Variants in SND1 observed in about 807,000 individuals in gnomAD.
The protein encoded by SND1 is staphylococcal nuclease and tudor domain containing 1.
In SND1, 38 loss-of-function variants were observed where a neutral mutation model predicts 121.7. The ratio of observed to expected loss-of-function variants is 0.31; its 90% confidence interval spans 0.24 to 0.41. The LOEUF (loss-of-function observed/expected upper bound fraction) is 0.41. SND1 is among the 10% of genes least tolerant of loss of function. SND1 has a pLI of 1.00. For synonymous variants in SND1, 401 were observed against 447.4 expected (o/e 0.90, Z 1.31); for missense variants, 868 against 1,184.6 (o/e 0.73, Z 3.92).
intron 9 of SND1, among the ~76,000 whole-genome samples, chr7:127,717,180 G>A (rs1009743630): frequency 4.4e-4 from 67 of 151,992 alleles, no homozygotes; most frequent in African/African-American, 1.5e-3. Context: ...AATATTTTAC[G>A]GGAGTATTGT....
At chr7:127,898,062 A>G (rs962043668) in intron 13 of SND1, among the ~76,000 whole-genome samples, 1 of 152,094 alleles carries the variant, frequency 6.6e-6, no homozygotes, top group Admixed American at 6.5e-5. Flanking sequence ...AGAGTTTGCA[A>G]CTGTGTTCCC....
intron 15 of SND1, among the ~76,000 whole-genome samples, chr7:127,981,848 C>T (rs893156531): frequency 2.6e-5 from 4 of 152,192 alleles, no homozygotes; most frequent in African/African-American, 9.7e-5. Context: ...ACCTTTAAGT[C>T]CTGAGAATAA....
chr7:127,794,580 C>T lies in SND1; in HGVS notation c.1153-12904C>T, dbSNP rs138796047. Among the ~76,000 whole-genome samples the T allele has an allele frequency of 3.2e-3, 486 of 152,316 alleles. 2 individuals carry two copies. The highest frequency in any genetic ancestry group is 9.9e-3 in the African/African-American group (411 of 41,568). On this transcript the variant is annotated intron_variant, in intron 10 of 23. Coordinates refer to ENST00000354725, the MANE Select transcript of SND1 (RefSeq NM_014390.4). ...ATATTATCCTCTGAATGGGCTCACC[C>T]GCTCCTTCTGTCTGTTACAGAGAAA...
At chr7:127,865,225 T>G (rs574095315) in intron 12 of SND1, among the ~76,000 whole-genome samples, 104 of 152,340 alleles carry the variant, frequency 6.8e-4, no homozygotes, top group African/African-American at 2.5e-3. Context: ...AAATTATCTA[T>G]AGTTGACATA....
At position 127,663,403 on chromosome 7, in the gene SND1, C is replaced by T. The variant is rs368401510; in HGVS notation, c.78+10952C>T. On this transcript the variant is annotated intron_variant, in intron 1 of 23. Coordinates refer to ENST00000354725, the MANE Select transcript of SND1 (RefSeq NM_014390.4). The stretch of plus-strand genomic sequence containing the variant: ...TTTTTTTTTTTTTGAGATGGAGTCT[C>T]GCTCTGTCGCCAGGCTGGTGTGCAG... 2.8e-3 allele frequency among the ~76,000 whole-genome samples: 424 copies of T among 149,088 alleles called. 1 individual carries two copies. Among genetic ancestry groups the T allele is most frequent in the African/African-American group, 1.0e-2 (404 of 40,488 alleles).
At chr7:128,082,678 T>C (rs1221687610) in intron 18 of SND1, among the ~76,000 whole-genome samples, 1 of 151,842 alleles carries the variant, frequency 6.6e-6, no homozygotes, top group Non-Finnish European at 1.5e-5. Flanking sequence ...TAGGGCTGGG[T>C]CATGTGACAG....
intron 1 of SND1, among the ~76,000 whole-genome samples, chr7:127,666,897 G>A (rs1010280276): frequency 6.6e-6 from 1 of 152,178 alleles, no homozygotes; most frequent in African/African-American, 2.4e-5. Flanking sequence ...TCAGGGACTT[G>A]AGTTTTTATT....
intron 1 of SND1, among the ~76,000 whole-genome samples, chr7:127,675,702 T>C (rs1207052383): frequency 6.6e-6 from 1 of 152,202 alleles, no homozygotes; most frequent in Non-Finnish European, 1.5e-5. Context: ...CTCTTTTTTA[T>C]GTCCTGGAGT....
At chr7:127,858,359 C>A in intron 12 of SND1, 1 of 1,356,114 alleles carries the variant, frequency 7.4e-7, no homozygotes, top group Admixed American at 1.9e-5. Flanking sequence ...CCTCAGTGCC[C>A]TAGCCACTGT....
intron 10 of SND1, among the ~76,000 whole-genome samples, chr7:127,758,275 C>G (rs1797235313): frequency 6.6e-6 from 1 of 152,194 alleles, no homozygotes; most frequent in South Asian, 2.1e-4. Context: ...ACAGAGGTCT[C>G]CTGTGGATAG....
At chr7:127,908,328 G>A (rs1201832550) in intron 14 of SND1, among the ~76,000 whole-genome samples, 2 of 94,130 alleles carry the variant, frequency 2.1e-5, no homozygotes, top group Non-Finnish European at 2.6e-5. Flanking sequence ...ATGTGTGTGT[G>A]TGTGTGTGTG....
intron 2 of SND1, 49 bp downstream of exon 2, chr7:127,686,811 C>T: frequency 1.3e-6 from 2 of 1,574,546 alleles, no homozygotes; most frequent in Non-Finnish European, 1.7e-6. Context: ...AGGTAATAGC[C>T]CACTGTCTTC....
intron 15 of SND1, among the ~76,000 whole-genome samples, chr7:127,952,739 T>C (rs1801490360): frequency 6.6e-6 from 1 of 152,244 alleles, no homozygotes. Context: ...ATACCCAATA[T>C]TTTGAGGCCC....
At chr7:127,901,781 TAA>T (rs1191182485) in intron 13 of SND1, among the ~76,000 whole-genome samples, 1 of 152,208 alleles carries the variant, frequency 6.6e-6, no homozygotes, top group African/African-American at 2.4e-5. Flanking sequence ...CAGAAATTGA[TAA>T]GAGTTTAACA....
At chr7:127,898,293 C>T (rs892445540) in intron 13 of SND1, among the ~76,000 whole-genome samples, 1 of 152,174 alleles carries the variant, frequency 6.6e-6, no homozygotes, top group Non-Finnish European at 1.5e-5. Context: ...CCCACCTCCC[C>T]TTGACTGTAG....
chr7:128,018,070 A>T (rs190107540), intron 16 of SND1, among the ~76,000 whole-genome samples: 1 of 152,188 alleles, frequency 6.6e-6, no homozygotes, highest in African/African-American at 2.4e-5. Flanking sequence ...AACCCTGCCC[A>T]TGCACTCTTC....
intron 12 of SND1, among the ~76,000 whole-genome samples, chr7:127,844,688 A>G (rs948285864): frequency 3.9e-5 from 6 of 152,194 alleles, no homozygotes; most frequent in Non-Finnish European, 5.9e-5. Flanking sequence ...CATCATTACT[A>G]TTAATAATGC....
chr7:127,703,284 C>G lies in SND1; in HGVS notation c.801C>G (p.Ser267Arg). The change falls in exon 7 of 24, where the codon AGC becomes AGG. Residue 267 changes from serine to arginine, a missense_variant. Transcript: ENST00000354725. ...LQRDVQIILE[S>R]CHNQNILGTI... The stretch of plus-strand genomic sequence containing the variant: ...GAGATGTTCAGATCATTCTGGAGAG[C>G]TGCCACAACCAGAACATTCTGGGTA... The G allele has an allele frequency of 6.2e-7, 1 of 1,614,120 alleles. No homozygotes were observed. The highest frequency in any genetic ancestry group is 8.5e-7 in the Non-Finnish European group (1 of 1,179,974).
chr7:128,074,944 G>A (rs1286578018), intron 17 of SND1, among the ~76,000 whole-genome samples: 2 of 152,200 alleles, frequency 1.3e-5, no homozygotes, highest in Non-Finnish European at 2.9e-5. Flanking sequence ...GTGATCCCAG[G>A]CCTGCTCAGG....
Sources: gnomAD v4.1 joint callset for allele counts (sites outside exome capture counted in the v4.1 genomes callset) on GRCh38, gnomAD v4.1.1 for gene constraint, MANE v1.5 for transcripts, NCBI Gene and HGNC (gene_info 2026-07-23, HGNC 2026-07-21) for gene names.